The following CACNA1B variants were observed in gnomAD, a reference collection of about 807,000 sequenced individuals.
CACNA1B encodes voltage-dependent N-type calcium channel subunit alpha-1B.
A neutral mutation model predicts 247.2 loss-of-function variants in CACNA1B; 70 were observed. The observed-to-expected ratio is 0.28, with a 90% CI of 0.23 to 0.35. CACNA1B has a LOEUF of 0.35. Ranked by LOEUF, CACNA1B falls within the 10% of genes least tolerant of loss-of-function variation. CACNA1B has a pLI of 1.00. For synonymous variants in CACNA1B, 1,231 were observed against 1,294.4 expected, an observed-to-expected ratio of 0.95 and a Z score of 1.05; for missense variants, 2,367 against 3,197.4, an observed-to-expected ratio of 0.74 and a Z score of 6.26.
intron 15 of CACNA1B, among the ~76,000 whole-genome samples, chr9:137,987,879 G>A (rs1239259429): frequency 1.3e-5 from 2 of 152,224 alleles, no homozygotes; most frequent in South Asian, 4.1e-4. Flanking sequence ...CCTAGTCACT[G>A]CCAGGCAGAG....
Position 138,043,757 on chromosome 9 carries a change from GC to G in CACNA1B, c.3287-14del. The G allele has an allele frequency of 6.2e-7, 1 of 1,613,824 alleles. No individual in the cohort carries two copies. Among genetic ancestry groups the G allele is most frequent in the Non-Finnish European group, 8.5e-7 (1 of 1,179,810 alleles). ...TGTGCACTACACCCCTTACTCGGGGGCCCTGTGTCCTTGTAGGTGGTAACGT... is the reference window on the plus strand; with the variant it reads ...TGTGCACTACACCCCTTACTCGGGGGCCTGTGTCCTTGTAGGTGGTAACGT... On this transcript the variant is annotated splice_polypyrimidine_tract_variant and intron_variant, in intron 20 of 46. Coordinates refer to ENST00000371372, the MANE Select transcript of CACNA1B (RefSeq NM_000718.4).
At position 137,914,562 on chromosome 9, in the gene CACNA1B, G is replaced by A. The variant is rs1957391048; in HGVS notation, c.623-92G>A. On this transcript the variant is annotated intron_variant, in intron 4 of 46. Transcript: ENST00000371372. The surrounding 1 kb of genome is among the most constrained non-coding windows in gnomAD (Gnocchi z 4.3). Reference sequence around the variant, plus strand: ...CACTGCTTAGCACCTTGCTGTCCCTGCTAGGTTCCTGCTGTTCTGTCCCTG... The same window carrying A: ...CACTGCTTAGCACCTTGCTGTCCCTACTAGGTTCCTGCTGTTCTGTCCCTG... 4 of 1,059,534 alleles carry A rather than the reference G, an allele frequency of 3.8e-6. No homozygotes were observed. In the Admixed American group the frequency reaches 6.2e-5, roughly 16 times the overall value. 65.6% of individuals were successfully genotyped at this position (1,059,534 alleles called of 1,614,324 possible). A position where few individuals can be genotyped will look rare whatever the true frequency, so the allele number is the denominator to read the frequency against.
chr9:138,040,495 T>TAA (rs996367121), intron 20 of CACNA1B: 2 of 287,848 alleles, frequency 6.9e-6, no homozygotes, highest in African/African-American at 2.3e-5. Flanking sequence ...TATATATATA[T>TAA]AAATGATATA....
chr9:137,920,640 C>G (rs1391862046), intron 6 of CACNA1B, among the ~76,000 whole-genome samples: 1 of 152,202 alleles, frequency 6.6e-6, no homozygotes, highest in Non-Finnish European at 1.5e-5. Context: ...CTCCAATGAC[C>G]ATGTTTGGAG....
chr9:138,009,781 G>A (rs899347634), intron 16 of CACNA1B, among the ~76,000 whole-genome samples: 2 of 152,228 alleles, frequency 1.3e-5, no homozygotes, highest in Admixed American at 6.5e-5. Flanking sequence ...GGTGATGGGA[G>A]GCTGAGCAAA....
chr9:138,077,287 G>A (rs529401685), intron 35 of CACNA1B, among the ~76,000 whole-genome samples: 16 of 152,328 alleles, frequency 1.1e-4, no homozygotes, highest in East Asian at 3.9e-4. Context: ...GCAAGCCCCC[G>A]GTGCTGGCTG....
intron 12 of CACNA1B, among the ~76,000 whole-genome samples, chr9:137,982,829 T>C (rs1028122381): frequency 5.3e-5 from 8 of 152,208 alleles, no homozygotes; most frequent in Non-Finnish European, 1.2e-4. Context: ...GTTGTATTGA[T>C]AGGGTTATCA....
intron 32 of CACNA1B, among the ~76,000 whole-genome samples, chr9:138,070,787 T>C (rs914405706): frequency 3.3e-5 from 5 of 152,226 alleles, no homozygotes; most frequent in Non-Finnish European, 7.3e-5. Context: ...GTCCTCTTTC[T>C]CCACCACACA....
At chr9:138,117,116 C>T (rs111258526) in intron 42 of CACNA1B, among the ~76,000 whole-genome samples, 3,739 of 152,308 alleles carry the variant, frequency 0.025, 62 homozygotes, top group African/African-American at 0.049. Flanking sequence ...AGCACTCACC[C>T]GAACACATTC....
chr9:138,104,531 C>T (rs1455368946), intron 38 of CACNA1B, among the ~76,000 whole-genome samples: 4 of 152,192 alleles, frequency 2.6e-5, no homozygotes, highest in African/African-American at 7.2e-5. Flanking sequence ...TAGGACTGGA[C>T]GTGGCAAGTG....
Position 137,949,956 on chromosome 9 carries a change from CT to C in CACNA1B, c.967-2316del, listed in dbSNP as rs543845529. ...TCACAGCATCTAAGAAATTGGTGCT[CT>C]TCTTGGTTCTTAGTATGACAAGTGA... is the stretch of plus-strand genomic sequence containing the variant. On this transcript the variant is annotated intron_variant, in intron 6 of 46. Coordinates refer to ENST00000371372, the MANE Select transcript of CACNA1B (RefSeq NM_000718.4). 3.3e-5 allele frequency among the ~76,000 whole-genome samples: 5 copies of C among 152,292 alleles called. No individual in the cohort carries two copies. In the East Asian group the frequency reaches 9.6e-4, roughly 29 times the overall value.
intron 44 of CACNA1B, among the ~76,000 whole-genome samples, chr9:138,119,810 C>G (rs1029748920): frequency 2.0e-5 from 3 of 152,156 alleles, no homozygotes; most frequent in Admixed American, 1.3e-4. Flanking sequence ...TTCACGGGTC[C>G]TGATTCTGGC....
At position 137,952,914 on chromosome 9, in the gene CACNA1B, G is replaced by C. The variant is rs1471209717; in HGVS notation, c.1070+537G>C. 6.6e-6 allele frequency among the ~76,000 whole-genome samples: 1 copy of C among 152,136 alleles called. No individual in the cohort carries two copies. Among genetic ancestry groups the C allele is most frequent in the African/African-American group, 2.4e-5 (1 of 41,416 alleles). ...AACTGGGGGCACCCTGATCTCTGTA[G>C]CAGTCACCACTGGGCTCGCCACCCT... On this transcript the variant is annotated intron_variant, in intron 7 of 46. Coordinates refer to ENST00000371372, the MANE Select transcript of CACNA1B (RefSeq NM_000718.4). This position sits in a 1 kb window ranked among gnomAD's most constrained non-coding sequence, Gnocchi z 4.8.
At chr9:137,962,812 A>T (rs1323770992) in intron 10 of CACNA1B, among the ~76,000 whole-genome samples, 1 of 152,148 alleles carries the variant, frequency 6.6e-6, no homozygotes, top group Non-Finnish European at 1.5e-5. Flanking sequence ...TATGTGATCA[A>T]TTTTAGAGTA....
chr9:138,073,651 C>T lies in CACNA1B; in HGVS notation c.4791+47C>T, dbSNP rs1388637625. The stretch of plus-strand genomic sequence containing the variant: ...CATGCTTTCTGTCCCCTTCCTCCGT[C>T]TTGCTTCCCCTGCCCCCACCACAGT... On this transcript the variant is annotated intron_variant, in intron 33 of 46. Coordinates refer to ENST00000371372, the MANE Select transcript of CACNA1B (RefSeq NM_000718.4). The surrounding 1 kb of genome is among the most constrained non-coding windows in gnomAD (Gnocchi z 6.4). 2.8e-6 allele frequency: 3 copies of T among 1,075,688 alleles called. No individual in the cohort carries two copies. The highest frequency in any genetic ancestry group is 1.3e-5 in the South Asian group (1 of 79,936). The allele number at this position is 1,075,688 out of a possible 1,614,324, so 66.6% of individuals were successfully genotyped here. A position where few individuals can be genotyped will look rare whatever the true frequency, so the allele number is the denominator to read the frequency against.
chr9:137,931,603 G>A (rs75912300), intron 6 of CACNA1B, among the ~76,000 whole-genome samples: 1,720 of 152,064 alleles, frequency 0.011, 19 homozygotes, highest in Non-Finnish European at 0.019. Flanking sequence ...AGGAGGCCGA[G>A]GGACTGATGG....
At chr9:137,929,493 T>C (rs1261547286) in intron 6 of CACNA1B, among the ~76,000 whole-genome samples, 1 of 152,084 alleles carries the variant, frequency 6.6e-6, no homozygotes. Context: ...AGCTGGAGGC[T>C]GCAGTGAGCC....
At position 137,888,721 on chromosome 9, in the gene CACNA1B, C is replaced by T. The variant is rs1278349409; in HGVS notation, c.530+5838C>T. Among the ~76,000 whole-genome samples, 1 of 152,210 alleles carries T rather than the reference C, an allele frequency of 6.6e-6. No homozygotes were observed. The highest frequency in any genetic ancestry group is 6.5e-5 in the Admixed American group (1 of 15,290). On this transcript the variant is annotated intron_variant, in intron 3 of 46. Coordinates refer to ENST00000371372, the MANE Select transcript of CACNA1B (RefSeq NM_000718.4). The surrounding 1 kb of genome is among the most constrained non-coding windows in gnomAD (Gnocchi z 4.7). ...CTGCACCAGGAGGGAGTCTGGTCAG[C>T]GGAGCTCAGGGGCCGAGGCACTGCT... is the stretch of plus-strand genomic sequence containing the variant.
chr9:138,034,827 T>C (rs1959024430), intron 20 of CACNA1B, among the ~76,000 whole-genome samples: 1 of 152,216 alleles, frequency 6.6e-6, no homozygotes, highest in South Asian at 2.1e-4. Flanking sequence ...TTCCCCACTT[T>C]CTGTTATCTG....
Sources: gnomAD v4.1 joint callset for allele counts (sites outside exome capture counted in the v4.1 genomes callset) on GRCh38, gnomAD v4.1.1 for gene constraint, Gnocchi (gnomAD v3.1) non-coding constraint, MANE v1.5 for transcripts, NCBI Gene and HGNC (gene_info 2026-07-23, HGNC 2026-07-21) for gene names.